Variants in CSMD1 observed in about 807,000 individuals in gnomAD.
CSMD1 encodes CUB and Sushi multiple domains 1.
In CSMD1, 213 loss-of-function variants were observed where a neutral mutation model predicts 417.5. The ratio of observed to expected loss-of-function variants is 0.51; its 90% CI spans 0.46 to 0.57. The LOEUF (loss-of-function observed/expected upper bound fraction) is 0.57, where lower values mean the gene tolerates loss of function less well. Ranked by LOEUF, CSMD1 falls within the 20% of genes least tolerant of loss-of-function variation. The pLI is 0.00. For synonymous variants in CSMD1, 2,862 were observed against 1,736.8 expected, an observed-to-expected ratio of 1.65 and a Z score of -16.11; for missense variants, 6,923 against 4,529.7, an observed-to-expected ratio of 1.53 and a Z score of -15.17.
intron 3 of CSMD1, among the ~76,000 whole-genome samples, chr8:4,206,395 C>T (rs749316248): frequency 6.6e-6 from 1 of 152,066 alleles, no homozygotes; most frequent in African/African-American, 2.4e-5. Context: ...CACCCTGTCT[C>T]CAACTGTTCA....
intron 3 of CSMD1, among the ~76,000 whole-genome samples, chr8:4,184,707 G>T (rs995970678): frequency 6.6e-6 from 1 of 152,196 alleles, no homozygotes; most frequent in Non-Finnish European, 1.5e-5. Context: ...TGGAAGGTGG[G>T]AGGAGGGAGG....
intron 5 of CSMD1, among the ~76,000 whole-genome samples, chr8:3,916,787 T>G (rs1392868259): frequency 6.6e-6 from 1 of 152,052 alleles, no homozygotes; most frequent in Non-Finnish European, 1.5e-5. Context: ...GTGGCTCAAT[T>G]TCAAAATAAG....
chr8:4,749,640 C>T (rs1166070304), intron 1 of CSMD1, among the ~76,000 whole-genome samples: 2 of 152,216 alleles, frequency 1.3e-5, no homozygotes, highest in African/African-American at 4.8e-5. Context: ...AAAAGTTTCA[C>T]TTTAATAATT....
At chr8:4,299,837 G>A (rs1035295183) in intron 3 of CSMD1, among the ~76,000 whole-genome samples, 3 of 152,012 alleles carry the variant, frequency 2.0e-5, no homozygotes, top group African/African-American at 7.2e-5. Context: ...CACCTTCTTG[G>A]CCAGGATGGT....
chr8:4,581,242 A>G (rs1799403114), intron 2 of CSMD1, among the ~76,000 whole-genome samples: 1 of 152,260 alleles, frequency 6.6e-6, no homozygotes, highest in Non-Finnish European at 1.5e-5. Context: ...TAAAATTAAT[A>G]ATAATTGGGC....
rs376135239 is a variant in CSMD1, at chr8:3,948,729, A to G, written c.818+49174T>C. Among the ~76,000 whole-genome samples, 73 of 152,344 alleles carry G rather than the reference A, an allele frequency of 4.8e-4. 1 individual carries two copies. In the East Asian group the frequency reaches 9.5e-3, roughly 20 times the overall value. ...ATGAATAAAACCAACAATCAATAATACAGTGACTTAATCAGCTAGAAAAGA... is the reference window on the plus strand; with the variant it reads ...ATGAATAAAACCAACAATCAATAATGCAGTGACTTAATCAGCTAGAAAAGA... On this transcript the variant is annotated intron_variant, in intron 5 of 69. Coordinates refer to ENST00000635120, the MANE Select transcript of CSMD1 (RefSeq NM_033225.6).
intron 1 of CSMD1, among the ~76,000 whole-genome samples, chr8:4,880,496 C>A (rs762440390): frequency 6.6e-6 from 1 of 152,026 alleles, no homozygotes; most frequent in Admixed American, 6.5e-5. Context: ...CCCATGAATT[C>A]TGTCATACAG....
intron 3 of CSMD1, among the ~76,000 whole-genome samples, chr8:4,303,666 A>AT (rs1395844621): frequency 2.6e-5 from 4 of 151,732 alleles, no homozygotes; most frequent in African/African-American, 4.8e-5. Flanking sequence ...TTTTTTATTT[A>AT]TTTTTTTGAG....
intron 1 of CSMD1, among the ~76,000 whole-genome samples, chr8:4,722,395 T>A (rs1034702125): frequency 1.4e-4 from 22 of 152,182 alleles, no homozygotes; most frequent in Non-Finnish European, 2.8e-4. Context: ...CTTCTCCCAA[T>A]GCTGTGTATC....
chr8:3,960,697 A>T (rs937098112), intron 5 of CSMD1, among the ~76,000 whole-genome samples: 1 of 152,004 alleles, frequency 6.6e-6, no homozygotes, highest in Non-Finnish European at 1.5e-5. Flanking sequence ...GATAAATTTA[A>T]TAAGATATAT....
intron 3 of CSMD1, among the ~76,000 whole-genome samples, chr8:4,210,397 T>C (rs190262890): frequency 3.3e-5 from 5 of 152,334 alleles, no homozygotes; most frequent in East Asian, 1.9e-4. Context: ...CTCAGGATTT[T>C]ATAGTGGAAA....
intron 12 of CSMD1, among the ~76,000 whole-genome samples, chr8:3,462,940 G>A (rs1033737344): frequency 6.6e-6 from 1 of 152,178 alleles, no homozygotes; most frequent in East Asian, 1.9e-4. Flanking sequence ...CCTGTGAACA[G>A]GATTAGTGCC....
intron 1 of CSMD1, among the ~76,000 whole-genome samples, chr8:4,929,535 G>A (rs905717898): frequency 6.6e-6 from 1 of 152,134 alleles, no homozygotes; most frequent in East Asian, 1.9e-4. Context: ...AGAAGCACTA[G>A]GTAACACTCA....
At chr8:4,213,181 G>C (rs941788558) in intron 3 of CSMD1, among the ~76,000 whole-genome samples, 5 of 152,144 alleles carry the variant, frequency 3.3e-5, no homozygotes, top group African/African-American at 9.7e-5. Context: ...GAGAGACATA[G>C]TTGAGAATGT....
chr8:4,657,609 A>T (rs1358252258), intron 1 of CSMD1, among the ~76,000 whole-genome samples: 1 of 152,130 alleles, frequency 6.6e-6, no homozygotes, highest in Admixed American at 6.5e-5. Flanking sequence ...CCCAAGAAGA[A>T]TAAATAAAAT....
intron 17 of CSMD1, among the ~76,000 whole-genome samples, chr8:3,394,634 G>T (rs1245459718): frequency 7.4e-3 from 1 of 136 alleles, no homozygotes; most frequent in Admixed American, 0.056. Context: ...AAAAGTTGGG[G>T]GGAGGGGTGT....
chr8:3,318,072 A>G (rs1011115160), intron 23 of CSMD1, among the ~76,000 whole-genome samples: 1 of 152,190 alleles, frequency 6.6e-6, no homozygotes, highest in Non-Finnish European at 1.5e-5. Flanking sequence ...AAATGTTGGG[A>G]TTACAAGCGT....
intron 3 of CSMD1, among the ~76,000 whole-genome samples, chr8:4,085,970 A>G (rs959787429): frequency 6.6e-6 from 1 of 152,196 alleles, no homozygotes; most frequent in Non-Finnish European, 1.5e-5. Context: ...ATCTACAATT[A>G]CCTTGAAATA....
chr8:4,821,997 G>T (rs879819035), intron 1 of CSMD1, among the ~76,000 whole-genome samples: 1 of 152,056 alleles, frequency 6.6e-6, no homozygotes, highest in African/African-American at 2.4e-5. Flanking sequence ...CCTCTGTAAT[G>T]CAATGACTTC....
Sources: gnomAD v4.1 joint callset for allele counts (sites outside exome capture counted in the v4.1 genomes callset) on GRCh38, gnomAD v4.1.1 for gene constraint, MANE v1.5 for transcripts, NCBI Gene and HGNC (gene_info 2026-07-23, HGNC 2026-07-21) for gene names.